Variants in MLLT1 observed in about 807,000 individuals in gnomAD.
MLLT1 encodes the protein MLLT1 super elongation complex subunit.
A neutral mutation model predicts 55.1 loss-of-function variants in MLLT1; 11 were observed. The ratio of observed to expected loss-of-function variants is 0.20; its 90% CI spans 0.13 to 0.33. The LOEUF (loss-of-function observed/expected upper bound fraction) is 0.33, where lower values mean the gene tolerates loss of function less well. MLLT1 is among the 10% of genes least tolerant of loss of function. The probability of loss-of-function intolerance (pLI) is 1.00; values close to 1 mark genes in which losing one functional copy is unlikely to be tolerated. For synonymous variants in MLLT1, 323 were observed against 320.1 expected (o/e 1.01, Z -0.10); for missense variants, 536 against 760.6 (o/e 0.70, Z 3.47).
At chr19:6,244,158 G>C (rs73920618) in intron 3 of MLLT1, among the ~76,000 whole-genome samples, 176 of 151,894 alleles carry the variant, frequency 1.2e-3, no homozygotes, top group African/African-American at 4.0e-3. Context: ...GGGCTTCCTG[G>C]AACTCATTCT....
intron 3 of MLLT1, among the ~76,000 whole-genome samples, chr19:6,241,427 G>T (rs932532427): frequency 1.3e-5 from 2 of 152,308 alleles, no homozygotes. Context: ...CAGTCGGAAA[G>T]ATGGCCTCAG....
Position 6,270,463 on chromosome 19 carries a change from G to T in MLLT1, c.193+116C>A. On this transcript the variant is annotated intron_variant, in intron 2 of 11. Coordinates refer to ENST00000252674, the MANE Select transcript of MLLT1 (RefSeq NM_005934.4). This position sits in a 1 kb window ranked among gnomAD's most constrained non-coding sequence, Gnocchi z 7.1. ...CCCCCACGCCGAGGGACGCAAGCTG[G>T]AACCTCATGGTTGGAGGGGTCCTGC... 8.8e-7 allele frequency: 1 copy of T among 1,142,844 alleles called. No homozygotes were observed. Among genetic ancestry groups the T allele is most frequent in the Non-Finnish European group, 1.2e-6 (1 of 821,894 alleles). 70.8% of individuals were successfully genotyped at this position (1,142,844 alleles called of 1,614,324 possible).
At chr19:6,243,599 C>T (rs2091136455) in intron 3 of MLLT1, among the ~76,000 whole-genome samples, 1 of 152,160 alleles carries the variant, frequency 6.6e-6, no homozygotes, top group Non-Finnish European at 1.5e-5. Context: ...GCAAATGCCA[C>T]CATGTCACCC....
chr19:6,242,636 C>T (rs540019236), intron 3 of MLLT1, among the ~76,000 whole-genome samples: 2 of 152,308 alleles, frequency 1.3e-5, no homozygotes, highest in Non-Finnish European at 2.9e-5. Flanking sequence ...GCTCTCAGGA[C>T]GGGTTCCTTC....
At chr19:6,258,511 T>C (rs900857497) in intron 3 of MLLT1, among the ~76,000 whole-genome samples, 1 of 152,166 alleles carries the variant, frequency 6.6e-6, no homozygotes, top group Non-Finnish European at 1.5e-5. Context: ...ATGTATTACT[T>C]TGCAATCAGA....
At chr19:6,236,908 A>G (rs2091067071) in intron 3 of MLLT1, among the ~76,000 whole-genome samples, 1 of 152,210 alleles carries the variant, frequency 6.6e-6, no homozygotes. Flanking sequence ...TAATGTCAGT[A>G]GCCTCCTAGA....
At position 6,230,414 on chromosome 19, in the gene MLLT1, C is replaced by A. The variant is rs1600184153; in HGVS notation, c.420+156G>T. ...CCACGCCCCGGCACAGGTTGTGGAG[C>A]TCCCAGGTCCCCTCCAGCTCTGCTG... is the stretch of plus-strand genomic sequence containing the variant. On this transcript the variant is annotated intron_variant, in intron 4 of 11. Transcript: ENST00000252674. The surrounding 1 kb of genome is among the most constrained non-coding windows in gnomAD (Gnocchi z 9.0). 6.6e-6 allele frequency among the ~76,000 whole-genome samples: 1 copy of A among 152,228 alleles called. No individual in the cohort carries two copies. The highest frequency in any genetic ancestry group is 2.4e-5 in the African/African-American group (1 of 41,464).
intron 7 of MLLT1, among the ~76,000 whole-genome samples, chr19:6,217,322 G>A (rs1428301182): frequency 6.6e-6 from 1 of 152,232 alleles, no homozygotes; most frequent in Admixed American, 6.5e-5. Flanking sequence ...CAATCCAGGA[G>A]TGGAAACGCT....
rs1439109932 is a variant in MLLT1, at chr19:6,211,420, G to A, written c.*1622C>T. 7.7e-6 allele frequency: 2 copies of A among 258,338 alleles called. No homozygotes were observed. Among genetic ancestry groups the A allele is most frequent in the East Asian group, 1.2e-4 (2 of 16,462 alleles). The allele number at this position is 258,338 out of a possible 1,614,324, so 16.0% of individuals were successfully genotyped here. Reference sequence around the variant, plus strand: ...GAGTTTCCCCAGGACAGCTGGCATTGGGGGCAGCCTTGGAGGCATGGGTCC... The same window carrying A: ...GAGTTTCCCCAGGACAGCTGGCATTAGGGGCAGCCTTGGAGGCATGGGTCC... On this transcript the variant is annotated 3_prime_UTR_variant, in exon 12 of 12. Coordinates refer to ENST00000252674, the MANE Select transcript of MLLT1 (RefSeq NM_005934.4). The surrounding 1 kb of genome is among the most constrained non-coding windows in gnomAD (Gnocchi z 4.6).
rs753779483 is a variant in MLLT1, at chr19:6,213,910, C to T, written c.1407+29G>A. ...CCAGGGCTAAGCCCGGCCTCTGGTG[C>T]ACCCCCTGCCTGCAGGCCCCAGGCT... On this transcript the variant is annotated intron_variant, in intron 9 of 11. Coordinates refer to ENST00000252674, the MANE Select transcript of MLLT1 (RefSeq NM_005934.4). 1.1e-5 allele frequency: 16 copies of T among 1,472,522 alleles called. No homozygotes were observed. The South Asian group carries it at 1.2e-4, about 11-fold the overall frequency. The allele number at this position is 1,472,522 out of a possible 1,614,324, so 91.2% of individuals were successfully genotyped here.
chr19:6,232,342 G>C (rs532115373), intron 3 of MLLT1, among the ~76,000 whole-genome samples: 1 of 152,320 alleles, frequency 6.6e-6, no homozygotes, highest in African/African-American at 2.4e-5. Flanking sequence ...AATGGGGACT[G>C]AGGAGTCTCT....
chr19:6,223,623 C>T (rs1020024481), intron 5 of MLLT1, among the ~76,000 whole-genome samples: 14 of 152,318 alleles, frequency 9.2e-5, no homozygotes, highest in African/African-American at 3.1e-4. Context: ...TGGCAGCGAG[C>T]ACACAGTGTG....
In MLLT1 at chr19:6,229,428, G is replaced by A. The variant is rs1244885904; in HGVS notation, c.420+1142C>T. ...CTGACCATGCCCCATGAGGAGGAAG[G>A]AGGACTCCCCAGCCTGACACCCACA... On this transcript the variant is annotated intron_variant, in intron 4 of 11. Transcript: ENST00000252674. The surrounding 1 kb of genome is among the most constrained non-coding windows in gnomAD (Gnocchi z 5.2). Among the ~76,000 whole-genome samples, 2 of 151,798 alleles carry A rather than the reference G, an allele frequency of 1.3e-5. No individual in the cohort carries two copies. The highest frequency in any genetic ancestry group is 1.9e-4 in the East Asian group (1 of 5,170).
chr19:6,211,813 G>T lies in MLLT1; in HGVS notation c.*1229C>A, dbSNP rs925102260. On this transcript the variant is annotated 3_prime_UTR_variant, in exon 12 of 12. Coordinates refer to ENST00000252674, the MANE Select transcript of MLLT1 (RefSeq NM_005934.4). This position sits in a 1 kb window ranked among gnomAD's most constrained non-coding sequence, Gnocchi z 4.6. ...CCTGGAAGAGTGGGCCGGGAAGGAGGACCGGCTTGGCCCCTGGAGAATCTC... is the reference window on the plus strand; with the variant it reads ...CCTGGAAGAGTGGGCCGGGAAGGAGTACCGGCTTGGCCCCTGGAGAATCTC... 2 of 1,064,208 alleles carry T rather than the reference G, an allele frequency of 1.9e-6. No individual in the cohort carries two copies. The highest frequency in any genetic ancestry group is 5.0e-5 in the East Asian group (1 of 19,978). The allele number at this position is 1,064,208 out of a possible 1,614,324, so 65.9% of individuals were successfully genotyped here. A position where few individuals can be genotyped will look rare whatever the true frequency, so the allele number is the denominator to read the frequency against.
At chr19:6,236,139 A>T (rs528042605) in intron 3 of MLLT1, among the ~76,000 whole-genome samples, 1 of 152,324 alleles carries the variant, frequency 6.6e-6, no homozygotes, top group South Asian at 2.1e-4. Flanking sequence ...CCCAGCAGGG[A>T]TCACAAGAGA....
At chr19:6,268,051 G>A (rs2091363173) in intron 2 of MLLT1, among the ~76,000 whole-genome samples, 1 of 152,200 alleles carries the variant, frequency 6.6e-6, no homozygotes, top group Non-Finnish European at 1.5e-5. Context: ...GAAGTCATAT[G>A]TACGAGATGT....
rs2090770301 is a variant in MLLT1 at position 6,211,457 on chromosome 19, T to G, written c.*1585A>C. ...GGAGGCATGGGTCCCCACCAAGGAGTGTTCAGGATCTGCTGACAGAATCAG... is the reference window on the plus strand; with the variant it reads ...GGAGGCATGGGTCCCCACCAAGGAGGGTTCAGGATCTGCTGACAGAATCAG... On this transcript the variant is annotated 3_prime_UTR_variant, in exon 12 of 12. Coordinates refer to ENST00000252674, the MANE Select transcript of MLLT1 (RefSeq NM_005934.4). The surrounding 1 kb of genome is among the most constrained non-coding windows in gnomAD (Gnocchi z 4.6). The G allele has an allele frequency of 2.9e-6, 1 of 341,614 alleles. No homozygotes were observed. The highest frequency in any genetic ancestry group is 2.1e-5 in the African/African-American group (1 of 46,560). 21.2% of individuals were successfully genotyped at this position (341,614 alleles called of 1,614,324 possible).
intron 8 of MLLT1, among the ~76,000 whole-genome samples, 163 bp from the exon 9 acceptor site, chr19:6,214,201 G>A (rs2090814912): frequency 6.6e-6 from 1 of 151,834 alleles, no homozygotes; most frequent in South Asian, 2.1e-4. Context: ...AAAATACTGT[G>A]TGTGGCCACC....
intron 3 of MLLT1, among the ~76,000 whole-genome samples, chr19:6,251,192 G>T (rs1448760340): frequency 6.6e-6 from 1 of 152,206 alleles, no homozygotes; most frequent in Non-Finnish European, 1.5e-5. Context: ...ACAACCCTGT[G>T]AATGTACTAA....
Sources: allele counts gnomAD v4.1 joint callset (sites outside exome capture counted in the v4.1 genomes callset), GRCh38; gene constraint gnomAD v4.1.1; non-coding constraint Gnocchi (gnomAD v3.1); transcripts MANE v1.5; gene names NCBI Gene and HGNC (gene_info 2026-07-23, HGNC 2026-07-21).